ACTR3: variants seen among roughly 807,000 people sequenced by gnomAD.
ACTR3 encodes actin related protein 3.
ACTR3 carries 12 observed loss-of-function variants against 56.8 expected under a neutral mutation model. The observed-to-expected ratio is 0.21, with a 90% CI of 0.14 to 0.34. The LOEUF is 0.34. Ranked by LOEUF, ACTR3 falls within the 10% of genes least tolerant of loss-of-function variation. The pLI is 1.00. For synonymous variants in ACTR3, 162 were observed against 167.4 expected, an observed-to-expected ratio of 0.97 and a Z score of 0.25; for missense variants, 282 against 512.5, an observed-to-expected ratio of 0.55 and a Z score of 4.34.
chr2:113,956,100 C>T (rs28623738), intron 11 of ACTR3, among the ~76,000 whole-genome samples: 81 of 151,986 alleles, frequency 5.3e-4, no homozygotes, highest in African/African-American at 1.8e-3. Context: ...TATGTTGGGC[C>T]AGGCTGGTCT....
intron 1 of ACTR3, among the ~76,000 whole-genome samples, chr2:113,909,621 GT>G (rs202150469): frequency 8.4e-4 from 107 of 127,636 alleles, no homozygotes; most frequent in Admixed American, 1.5e-3. Context: ...TGTTGTTGTT[GT>G]TTTTTTTTTT....
chr2:113,934,740 C>T (rs1559480448), intron 6 of ACTR3: 4 of 155,836 alleles, frequency 2.6e-5, no homozygotes, highest in Non-Finnish European at 5.7e-5. Context: ...AACTGTATAA[C>T]AGTTAGTTTT....
chr2:113,954,267 T>C (rs913445159), intron 10 of ACTR3: 1 of 151,764 alleles, frequency 6.6e-6, no homozygotes, highest in Admixed American at 6.6e-5. Flanking sequence ...AAGAATCTAA[T>C]GAGGAGACAC....
chr2:113,942,375 G>A lies in ACTR3; in HGVS notation c.858+16G>A, dbSNP rs751108008. ...TCATCCAGAGGTAATTTTTTTTAAC[G>A]GAATTGTTTAAAAGTATTCAGCAGC... On this transcript the variant is annotated intron_variant, in intron 8 of 11. Coordinates refer to ENST00000263238, the MANE Select transcript of ACTR3 (RefSeq NM_005721.5). The A allele has an allele frequency of 8.4e-6, 13 of 1,541,240 alleles. No homozygotes were observed. Among genetic ancestry groups the A allele is most frequent in the South Asian group, 2.5e-5 (2 of 79,846 alleles).
At chr2:113,907,587 TA>T (rs1679218798) in intron 1 of ACTR3, among the ~76,000 whole-genome samples, 1 of 152,208 alleles carries the variant, frequency 6.6e-6, no homozygotes, top group Non-Finnish European at 1.5e-5. Flanking sequence ...AGGAAATCTT[TA>T]CAGAAAATTG....
intron 11 of ACTR3, among the ~76,000 whole-genome samples, chr2:113,956,201 AT>A (rs1574387910): frequency 6.6e-6 from 1 of 151,896 alleles, no homozygotes; most frequent in East Asian, 1.9e-4. Context: ...GCTGAAGCTT[AT>A]GTTTAAATTT....
chr2:113,950,221 CAT>C (rs1680096429), intron 8 of ACTR3, among the ~76,000 whole-genome samples: 1 of 152,204 alleles, frequency 6.6e-6, no homozygotes, highest in Non-Finnish European at 1.5e-5. Context: ...CACTAGAACA[CAT>C]GTCTGAACAA....
chr2:113,921,388 G>A (rs1679507036), intron 3 of ACTR3, among the ~76,000 whole-genome samples: 1 of 149,046 alleles, frequency 6.7e-6, no homozygotes, highest in African/African-American at 2.5e-5. Flanking sequence ...TCTGTCAGAT[G>A]TACAGTTTGC....
chr2:113,931,237 A>G (rs781669596), intron 4 of ACTR3, 64 bp from the exon 5 acceptor site: 5 of 999,576 alleles, frequency 5.0e-6, no homozygotes, highest in South Asian at 2.0e-5. Flanking sequence ...TCATTTAAAA[A>G]TTGTCAAGAA....
intron 10 of ACTR3, 185 bp from the exon 11 acceptor site, chr2:113,955,438 G>T (rs1035559394): frequency 6.0e-6 from 3 of 500,460 alleles, no homozygotes; most frequent in African/African-American, 4.0e-5. Context: ...TTCCCTCCCT[G>T]TCTCTTCCAC....
At chr2:113,906,041 T>C (rs2104587181) in intron 1 of ACTR3, among the ~76,000 whole-genome samples, 1 of 152,324 alleles carries the variant, frequency 6.6e-6, no homozygotes, top group South Asian at 2.1e-4. Context: ...GTCGTGTAAT[T>C]ACTGTATTTA....
In ACTR3 at chr2:113,955,704, A is replaced by G. The variant is rs1680197257; in HGVS notation, c.1159A>G (p.Thr387Ala). The change falls in exon 11 of 12, where the codon ACG (threonine) becomes GCG (alanine). Residue 387 changes from threonine to alanine, a missense_variant and splice_region_variant. Transcript: ENST00000263238. ...VWFGGSMLAS[T>A]PEFYQVCHTK... ...GTTTGGAGGATCAATGCTGGCTTCC[A>G]CGGTGAGTGTGATGAAGCTTACTTT... is the stretch of plus-strand genomic sequence containing the variant. 1.2e-6 allele frequency: 2 copies of G among 1,607,198 alleles called. No homozygotes were observed. The highest frequency in any genetic ancestry group is 1.7e-6 in the Non-Finnish European group (2 of 1,174,440).
chr2:113,925,827 G>A (rs1280122896), intron 3 of ACTR3, among the ~76,000 whole-genome samples: 2 of 152,174 alleles, frequency 1.3e-5, no homozygotes, highest in African/African-American at 4.8e-5. Flanking sequence ...GATTGATACT[G>A]CAAGGTATTT....
chr2:113,890,387 G>A, intron 1 of ACTR3, 64 bp downstream of exon 1: 1 of 1,309,430 alleles, frequency 7.6e-7, no homozygotes, highest in Admixed American at 2.2e-5. Context: ...GCGGGGGAGG[G>A]AGGAGGCCGG....
At chr2:113,921,318 G>GT (rs559647219) in intron 3 of ACTR3, among the ~76,000 whole-genome samples, 564 of 127,166 alleles carry the variant, frequency 4.4e-3, no homozygotes, top group South Asian at 5.7e-3. Context: ...AAAAATCAGT[G>GT]TTTTTTTTTT....
intron 1 of ACTR3, among the ~76,000 whole-genome samples, chr2:113,893,495 T>C (rs973232454): frequency 1.4e-4 from 21 of 152,194 alleles, no homozygotes; most frequent in Non-Finnish European, 2.1e-4. Context: ...GGTTTCACCA[T>C]GTTGACCAGG....
chr2:113,955,784 G>A, intron 11 of ACTR3, 78 bp downstream of exon 11: 1 of 1,208,512 alleles, frequency 8.3e-7, no homozygotes, highest in East Asian at 2.7e-5. Flanking sequence ...TTTCGCTCTT[G>A]TCACCCAGGC....
chr2:113,951,575 T>C lies in ACTR3; in HGVS notation c.951+4T>C. On this transcript the variant is annotated splice_donor_region_variant and intron_variant, in intron 9 of 11. Coordinates refer to ENST00000263238, the MANE Select transcript of ACTR3 (RefSeq NM_005721.5). The stretch of plus-strand genomic sequence containing the variant: ...TGTCAGACGTCCTCTCTACAAGGTA[T>C]TTATAGCAAAATTGTTATTCAAGGT... 1 of 1,603,202 alleles carries C rather than the reference T, an allele frequency of 6.2e-7. No homozygotes were observed. The highest frequency in any genetic ancestry group is 8.5e-7 in the Non-Finnish European group (1 of 1,171,164).
At chr2:113,920,843 G>T (rs892603696) in intron 3 of ACTR3, among the ~76,000 whole-genome samples, 9 of 152,138 alleles carry the variant, frequency 5.9e-5, no homozygotes, top group Non-Finnish European at 1.3e-4. Context: ...TGGTTGAATA[G>T]TATTGTGCAT....
Sources: gnomAD v4.1 joint callset for allele counts (sites outside exome capture counted in the v4.1 genomes callset) on GRCh38, gnomAD v4.1.1 for gene constraint, MANE v1.5 for transcripts, NCBI Gene and HGNC (gene_info 2026-07-23, HGNC 2026-07-21) for gene names.